The following PLEKHA1 variants were observed in gnomAD, a reference collection of about 807,000 sequenced individuals.
PLEKHA1 encodes the protein pleckstrin homology domain containing A1, also known as pleckstrin homology domain-containing family A member 1.
PLEKHA1 carries 34 observed loss-of-function variants against 52.0 expected under a neutral mutation model. The ratio of observed to expected loss-of-function variants is 0.65; its 90% CI spans 0.50 to 0.87. The LOEUF (loss-of-function observed/expected upper bound fraction) is 0.87. Ranked by LOEUF, PLEKHA1 falls within the 40% of genes least tolerant of loss-of-function variation. PLEKHA1 has a pLI of 0.00. For missense variants in PLEKHA1, 497 were observed against 504.2 expected (o/e 0.99, Z 0.14); for synonymous variants, 163 against 170.7 (o/e 0.95, Z 0.35).
At chr10:122,406,008 A>G (rs937857527) in intron 4 of PLEKHA1, among the ~76,000 whole-genome samples, 2 of 152,174 alleles carry the variant, frequency 1.3e-5, no homozygotes, top group African/African-American at 4.8e-5. Context: ...TATTGTTTGC[A>G]GACTACCAGC....
Position 122,431,878 on chromosome 10 carries a change from TA to T in PLEKHA1, c.*1943del, listed in dbSNP as rs2097419591. 1 of 152,218 alleles carries T rather than the reference TA, an allele frequency of 6.6e-6. No homozygotes were observed. Among genetic ancestry groups the T allele is most frequent in the Non-Finnish European group, 1.5e-5 (1 of 68,026 alleles). The allele number at this position is 152,218 out of a possible 1,614,324, so 9.4% of individuals were successfully genotyped here. ...TTTCATGAACACACCCGAGAAATCT[TA>T]AATAGACACTTTGCAATATTTAAGA... On this transcript the variant is annotated 3_prime_UTR_variant, in exon 12 of 12. Transcript: ENST00000368990.
At chr10:122,405,485 C>G (rs1299386024) in intron 4 of PLEKHA1, among the ~76,000 whole-genome samples, 6 of 151,792 alleles carry the variant, frequency 4.0e-5, no homozygotes, top group Non-Finnish European at 1.5e-5. Context: ...AATAAACTTA[C>G]AAAACTAATT....
intron 10 of PLEKHA1, chr10:122,425,163 G>A (rs1474834480): frequency 2.6e-6 from 1 of 386,976 alleles, no homozygotes; most frequent in East Asian, 3.8e-5. Context: ...TTATGAATTA[G>A]TGAACTAGAA....
intron 2 of PLEKHA1, among the ~76,000 whole-genome samples, chr10:122,394,555 A>C (rs2096824628): frequency 6.6e-6 from 1 of 152,204 alleles, no homozygotes; most frequent in Non-Finnish European, 1.5e-5. Flanking sequence ...GCAGAGACTT[A>C]TACAAGGTTC....
At chr10:122,427,163 C>T in intron 11 of PLEKHA1, 132 bp downstream of exon 11, 1 of 792,530 alleles carries the variant, frequency 1.3e-6, no homozygotes, top group Non-Finnish European at 2.0e-6. Flanking sequence ...ACCAATTGGA[C>T]TTGCAAAAAA....
downstream of PLEKHA1, chr10:122,433,905 G>C (rs867067069): frequency 2.0e-5 from 3 of 152,244 alleles, no homozygotes; most frequent in African/African-American, 7.2e-5. Context: ...AACTTATCTA[G>C]GTTTAGCAAA....
intron 1 of PLEKHA1, among the ~76,000 whole-genome samples, chr10:122,391,900 G>A (rs2096780906): frequency 6.6e-6 from 1 of 152,134 alleles, no homozygotes. Flanking sequence ...ATATGGAATA[G>A]TGATGCAGAT....
At chr10:122,442,356 T>TC in the PLEKHA1 span, 1 of 152,200 alleles carries the variant, frequency 6.6e-6, no homozygotes, top group Admixed American at 6.5e-5. Flanking sequence ...TGTTTTTTTT[T>TC]CTGATTTTAA....
At chr10:122,428,336 G>T in intron 11 of PLEKHA1, 1 of 1,546,606 alleles carries the variant, frequency 6.5e-7, no homozygotes, top group Non-Finnish European at 8.7e-7. Context: ...AAGAGCTGGT[G>T]AATGCAGCAC....
At chr10:122,408,556 C>G (rs557044421) in intron 5 of PLEKHA1, among the ~76,000 whole-genome samples, 1 of 151,878 alleles carries the variant, frequency 6.6e-6, no homozygotes, top group South Asian at 2.1e-4. Context: ...TATAGAAATC[C>G]TTATTACTTA....
At chr10:122,428,618 TTATG>T (rs2097374168) in intron 11 of PLEKHA1, among the ~76,000 whole-genome samples, 1 of 152,222 alleles carries the variant, frequency 6.6e-6, no homozygotes, top group South Asian at 2.1e-4. Flanking sequence ...CAATTTTATA[TTATG>T]TATTTAAAAA....
downstream of PLEKHA1, chr10:122,437,188 C>G (rs1004396948): frequency 6.6e-6 from 1 of 151,814 alleles, no homozygotes; most frequent in Non-Finnish European, 1.5e-5. Context: ...ATTTTTTCTT[C>G]CCATTTGCTT....
chr10:122,414,225 A>G (rs1430270300), intron 6 of PLEKHA1, among the ~76,000 whole-genome samples: 1 of 151,914 alleles, frequency 6.6e-6, no homozygotes, highest in African/African-American at 2.4e-5. Flanking sequence ...GGGTAAGACT[A>G]TTTTCCTGTA....
chr10:122,386,289 G>A lies in PLEKHA1; in HGVS notation c.-20-6892G>A, dbSNP rs563009157. Among the ~76,000 whole-genome samples the A allele has an allele frequency of 1.5e-3, 205 of 134,656 alleles. 1 individual carries two copies. Among genetic ancestry groups the A allele is most frequent in the African/African-American group, 1.3e-3 (48 of 35,906 alleles). The allele number at this position is 134,656 out of a possible 152,430, so 88.3% of individuals were successfully genotyped here. ...TATTTACTATTTTTATATGTTCTTA[G>A]TCAGCTTGTGTGTTCCAAGTTTTTT... On this transcript the variant is annotated intron_variant, in intron 1 of 11. Coordinates refer to ENST00000368990, the MANE Select transcript of PLEKHA1 (RefSeq NM_001001974.4).
At chr10:122,429,481 TCTG>T (rs1490144489) in intron 11 of PLEKHA1, 140 bp from the exon 12 acceptor site, 8 of 838,064 alleles carry the variant, frequency 9.5e-6, no homozygotes, top group Admixed American at 6.0e-5. Context: ...CTGCATGGCT[TCTG>T]CTGCTGCCTT....
intron 1 of PLEKHA1, among the ~76,000 whole-genome samples, chr10:122,390,295 A>G (rs999336240): frequency 6.6e-6 from 1 of 152,232 alleles, no homozygotes; most frequent in East Asian, 1.9e-4. Flanking sequence ...AGCTTTCTTC[A>G]TATCAGCAAT....
At chr10:122,424,329 G>A in intron 9 of PLEKHA1, 66 bp downstream of exon 9, 2 of 1,484,400 alleles carry the variant, frequency 1.3e-6, no homozygotes, top group Non-Finnish European at 1.8e-6. Flanking sequence ...CTTAGTTTGA[G>A]TAATGTACTT....
At chr10:122,388,377 T>C in intron 1 of PLEKHA1, among the ~76,000 whole-genome samples, 1 of 152,234 alleles carries the variant, frequency 6.6e-6, no homozygotes, top group East Asian at 1.9e-4. Context: ...ATTGTATGCA[T>C]ATACCACATT....
In PLEKHA1 at chr10:122,415,843, T is replaced by C; in HGVS notation, c.469-16T>C. 1.3e-6 allele frequency: 2 copies of C among 1,589,808 alleles called. No homozygotes were observed. Among genetic ancestry groups the C allele is most frequent in the Non-Finnish European group, 1.7e-6 (2 of 1,162,300 alleles). ...AACAAGCAAGAAAATAATTTATTTA[T>C]TTTGCTTCATTTTAGAAAGAAGAAG... On this transcript the variant is annotated splice_polypyrimidine_tract_variant and intron_variant, in intron 6 of 11. Coordinates refer to ENST00000368990, the MANE Select transcript of PLEKHA1 (RefSeq NM_001001974.4).
Sources: allele counts gnomAD v4.1 joint callset (sites outside exome capture counted in the v4.1 genomes callset), GRCh38; gene constraint gnomAD v4.1.1; transcripts MANE v1.5; gene names NCBI Gene and HGNC (gene_info 2026-07-23, HGNC 2026-07-21).